The following JAZF1 variants were observed in gnomAD, a reference collection of about 807,000 sequenced individuals.
JAZF1 encodes the protein juxtaposed with another zinc finger protein 1.
A neutral mutation model predicts 26.4 loss-of-function variants in JAZF1; 8 were observed. The observed-to-expected ratio is 0.30, with a 90% CI of 0.18 to 0.55. The LOEUF is 0.55. Ranked by LOEUF, JAZF1 falls within the 20% of genes least tolerant of loss-of-function variation. The pLI, the probability that JAZF1 is intolerant of heterozygous loss-of-function variation, is 0.94. For missense variants in JAZF1, 199 were observed against 322.0 expected, an observed-to-expected ratio of 0.62 and a Z score of 2.92; for synonymous variants, 126 against 122.3, an observed-to-expected ratio of 1.03 and a Z score of -0.20.
intron 1 of JAZF1, among the ~76,000 whole-genome samples, chr7:28,020,203 G>C (rs1242102502): frequency 6.6e-6 from 1 of 152,158 alleles, no homozygotes; most frequent in Non-Finnish European, 1.5e-5. Flanking sequence ...ATAAAACTAT[G>C]CTGTAACTTA....
chr7:28,037,685 C>T (rs753944709), intron 1 of JAZF1, among the ~76,000 whole-genome samples: 2 of 152,192 alleles, frequency 1.3e-5, no homozygotes, highest in Admixed American at 1.3e-4. Flanking sequence ...AGGTTGAACA[C>T]ACTTGGTCAA....
chr7:27,951,875 T>C (rs754137658), intron 2 of JAZF1, among the ~76,000 whole-genome samples: 1 of 152,240 alleles, frequency 6.6e-6, no homozygotes, highest in Non-Finnish European at 1.5e-5. Context: ...GCTGCCTCTG[T>C]GTCCTTCCTC....
chr7:27,856,213 T>C (rs572129119), intron 3 of JAZF1, among the ~76,000 whole-genome samples: 1 of 152,208 alleles, frequency 6.6e-6, no homozygotes, highest in African/African-American at 2.4e-5. Context: ...GTGGTCTCGC[T>C]GGCTCAGGAG....
chr7:28,108,268 AC>A (rs1784585966), intron 1 of JAZF1, among the ~76,000 whole-genome samples: 1 of 152,116 alleles, frequency 6.6e-6, no homozygotes, highest in Non-Finnish European at 1.5e-5. Flanking sequence ...GATTGGATTA[AC>A]CTTCCAACCT....
At chr7:28,089,288 T>C (rs1256746347) in intron 1 of JAZF1, among the ~76,000 whole-genome samples, 2 of 152,210 alleles carry the variant, frequency 1.3e-5, no homozygotes, top group Non-Finnish European at 2.9e-5. Context: ...GCTTCCTCTC[T>C]CTCTGCACTA....
Position 27,988,279 on chromosome 7 carries a change from AG to A in JAZF1, c.188+3629del, listed in dbSNP as rs937827345. Among the ~76,000 whole-genome samples, 58 of 152,190 alleles carry A rather than the reference AG, an allele frequency of 3.8e-4. 1 individual carries two copies. Among genetic ancestry groups the A allele is most frequent in the African/African-American group, 1.3e-3 (53 of 41,524 alleles). On this transcript the variant is annotated intron_variant, in intron 2 of 4. Coordinates refer to ENST00000283928, the MANE Select transcript of JAZF1 (RefSeq NM_175061.4). ...ACAATCCCTGTTGGATATTTAGGTT[AG>A]GTCTATTTTTTAGCATAAGTAAGGC...
intron 3 of JAZF1, among the ~76,000 whole-genome samples, chr7:27,874,817 C>CAAT (rs1783647333): frequency 6.6e-6 from 1 of 152,106 alleles, no homozygotes; most frequent in African/African-American, 2.4e-5. Context: ...GAAGGCTGGT[C>CAAT]AATAGCCTTT....
chr7:28,067,834 G>A lies in JAZF1; in HGVS notation c.116-75853C>T, dbSNP rs369384954. On this transcript the variant is annotated intron_variant, in intron 1 of 4. Transcript: ENST00000283928. ...CTCACTTGCTAATCAGTGCCGAGGCGAGGAACAGAACCTAGACTTCAGCCT... is the reference window on the plus strand; with the variant it reads ...CTCACTTGCTAATCAGTGCCGAGGCAAGGAACAGAACCTAGACTTCAGCCT... 2.6e-5 allele frequency among the ~76,000 whole-genome samples: 4 copies of A among 152,156 alleles called. No individual in the cohort carries two copies. The East Asian group carries it at 5.8e-4, about 22-fold the overall frequency.
At chr7:27,992,610 T>C (rs1785927171) in intron 1 of JAZF1, among the ~76,000 whole-genome samples, 1 of 152,328 alleles carries the variant, frequency 6.6e-6, no homozygotes, top group Admixed American at 6.5e-5. Flanking sequence ...AGCAACGCTT[T>C]ATAATGGTGC....
At chr7:27,967,925 C>T (rs959100223) in intron 2 of JAZF1, among the ~76,000 whole-genome samples, 1 of 152,210 alleles carries the variant, frequency 6.6e-6, no homozygotes, top group African/African-American at 2.4e-5. Context: ...GCTGTTTCTA[C>T]TAGCTAAACA....
chr7:27,987,003 T>G (rs1010275351), intron 2 of JAZF1, among the ~76,000 whole-genome samples: 4 of 152,104 alleles, frequency 2.6e-5, no homozygotes, highest in Non-Finnish European at 4.4e-5. Flanking sequence ...CTCGGCTCGC[T>G]ACAACCTCCA....
At chr7:28,141,720 T>C (rs879786785) in intron 1 of JAZF1, among the ~76,000 whole-genome samples, 7 of 152,224 alleles carry the variant, frequency 4.6e-5, no homozygotes, top group Non-Finnish European at 8.8e-5. Context: ...TGTTAGGTGC[T>C]TGACAGATAC....
chr7:27,844,052 C>T (rs2128332137), intron 3 of JAZF1: 1 of 152,334 alleles, frequency 6.6e-6, no homozygotes, highest in East Asian at 1.9e-4. Context: ...CTTTTATTAA[C>T]CAGGCGTCCA....
At chr7:28,014,817 C>T (rs1322610737) in intron 1 of JAZF1, among the ~76,000 whole-genome samples, 1 of 152,136 alleles carries the variant, frequency 6.6e-6, no homozygotes. Context: ...GTTTCTAGAA[C>T]AGAAGTAAAC....
At chr7:28,054,476 A>G (rs1458841423) in intron 1 of JAZF1, among the ~76,000 whole-genome samples, 1 of 152,066 alleles carries the variant, frequency 6.6e-6, no homozygotes, top group Non-Finnish European at 1.5e-5. Flanking sequence ...GAGAATGGCA[A>G]AAAACACTGA....
At chr7:27,952,301 G>C (rs566587542) in intron 2 of JAZF1, among the ~76,000 whole-genome samples, 1 of 152,342 alleles carries the variant, frequency 6.6e-6, no homozygotes, top group East Asian at 1.9e-4. Context: ...TTTCGGAGGA[G>C]GTACGTTGTG....
At chr7:27,839,453 C>G (rs1782880866) in intron 4 of JAZF1, among the ~76,000 whole-genome samples, 1 of 152,200 alleles carries the variant, frequency 6.6e-6, no homozygotes, top group African/African-American at 2.4e-5. Context: ...TCCAACAATC[C>G]TGTGGATGTT....
intron 2 of JAZF1, among the ~76,000 whole-genome samples, chr7:27,910,075 C>T (rs375846804): frequency 6.6e-6 from 1 of 152,210 alleles, no homozygotes; most frequent in Non-Finnish European, 1.5e-5. Flanking sequence ...CATTGAATGA[C>T]ACTGAATGTT....
chr7:28,031,669 T>C (rs1357715170), intron 1 of JAZF1, among the ~76,000 whole-genome samples: 1 of 152,022 alleles, frequency 6.6e-6, no homozygotes, highest in East Asian at 1.9e-4. Flanking sequence ...TGTTCTCACT[T>C]ATAAGTGGGA....
Sources: gnomAD v4.1 joint callset for allele counts (sites outside exome capture counted in the v4.1 genomes callset) on GRCh38, gnomAD v4.1.1 for gene constraint, MANE v1.5 for transcripts, NCBI Gene and HGNC (gene_info 2026-07-23, HGNC 2026-07-21) for gene names.